Variants in USH2A observed in about 807,000 individuals in gnomAD.
USH2A encodes the protein Usher syndrome 2A (autosomal recessive, mild).
A neutral mutation model predicts 538.9 loss-of-function variants in USH2A; 443 were observed. The observed-to-expected ratio is 0.82, with a 90% confidence interval of 0.76 to 0.89. The LOEUF is 0.89. USH2A is among the 40% of genes least tolerant of loss of function. The pLI is 0.00. For missense variants in USH2A, 6,633 were observed against 6,324.8 expected, an observed-to-expected ratio of 1.05 and a Z score of -1.65; for synonymous variants, 2,413 against 2,273.5, an observed-to-expected ratio of 1.06 and a Z score of -1.75.
intron 38 of USH2A, among the ~76,000 whole-genome samples, chr1:215,907,273 G>C (rs1934423): frequency 6.6e-6 from 1 of 151,654 alleles, no homozygotes; most frequent in African/African-American, 2.4e-5. Flanking sequence ...GGTTGGTCAT[G>C]CTAACAACAC....
At chr1:216,235,190 T>C (rs2035783380) in intron 13 of USH2A, among the ~76,000 whole-genome samples, 1 of 152,154 alleles carries the variant, frequency 6.6e-6, no homozygotes, top group South Asian at 2.1e-4. Flanking sequence ...AAACATCAAC[T>C]CCTGAATGTG....
rs540206250 is a variant in USH2A, at chr1:216,289,551, G to T, written c.1841-141C>A. On this transcript the variant is annotated intron_variant, in intron 10 of 71. Coordinates refer to ENST00000307340, the MANE Select transcript of USH2A (RefSeq NM_206933.4). Reference sequence around the variant, plus strand: ...TTTAATGCACCTTTCATCTCTACCTGCCAATTTAGTGATCCAGAGCATATG... The same window carrying T: ...TTTAATGCACCTTTCATCTCTACCTTCCAATTTAGTGATCCAGAGCATATG... The T allele has an allele frequency of 5.5e-6, 6 of 1,097,210 alleles. No individual in the cohort carries two copies. In the South Asian group the frequency reaches 6.6e-5, roughly 12 times the overall value. The allele number at this position is 1,097,210 out of a possible 1,614,324, so 68.0% of individuals were successfully genotyped here.
intron 30 of USH2A, among the ~76,000 whole-genome samples, chr1:216,064,533 T>C (rs577170306): frequency 2.0e-4 from 31 of 151,740 alleles, no homozygotes; most frequent in Admixed American, 3.9e-4. Context: ...ATCAAACTTA[T>C]AAGAAAACAA....
chr1:216,001,669 T>G (rs1237390579), intron 32 of USH2A, among the ~76,000 whole-genome samples: 1 of 152,118 alleles, frequency 6.6e-6, no homozygotes, highest in Admixed American at 6.5e-5. Context: ...TAAATCTCAT[T>G]AACCATGAGC....
chr1:215,881,516 T>A (rs1165222981), intron 41 of USH2A, among the ~76,000 whole-genome samples: 1 of 152,238 alleles, frequency 6.6e-6, no homozygotes, highest in Non-Finnish European at 1.5e-5. Context: ...CCACATTTAT[T>A]ATTGTATATG....
chr1:216,256,941 C>T (rs1354014517), intron 11 of USH2A, among the ~76,000 whole-genome samples: 1 of 151,928 alleles, frequency 6.6e-6, no homozygotes, highest in Non-Finnish European at 1.5e-5. Context: ...GTTCAAGGGT[C>T]AAGGGTACTT....
chr1:216,078,681 T>C (rs1247766454), intron 26 of USH2A, among the ~76,000 whole-genome samples: 1 of 152,126 alleles, frequency 6.6e-6, no homozygotes, highest in African/African-American at 2.4e-5. Flanking sequence ...CCTGCATAAG[T>C]GACTGAATGA....
chr1:215,684,595 C>T (rs1658347196), intron 61 of USH2A, among the ~76,000 whole-genome samples: 2 of 152,146 alleles, frequency 1.3e-5, no homozygotes, highest in South Asian at 2.1e-4. Flanking sequence ...TTTTACCCTG[C>T]TCCCAGTAAT....
intron 43 of USH2A, among the ~76,000 whole-genome samples, chr1:215,870,457 G>C (rs1228100735): frequency 8.4e-6 from 1 of 118,680 alleles, no homozygotes; most frequent in South Asian, 2.8e-4. Context: ...ACCACTCCTA[G>C]CTTTTTTTTT....
intron 32 of USH2A, among the ~76,000 whole-genome samples, chr1:216,038,683 T>C (rs991249274): frequency 6.6e-6 from 1 of 152,138 alleles, no homozygotes; most frequent in South Asian, 2.1e-4. Flanking sequence ...TTTGTAAATA[T>C]CCATCAAGCT....
rs2039712665 is a variant in USH2A, at chr1:216,423,424, T to C, written c.-415A>G. The C allele has an allele frequency of 6.6e-6, 1 of 152,196 alleles. No homozygotes were observed. Among genetic ancestry groups the C allele is most frequent in the African/African-American group, 2.4e-5 (1 of 41,450 alleles). 9.4% of individuals were successfully genotyped at this position (152,196 alleles called of 1,614,324 possible). On this transcript the variant is annotated 5_prime_UTR_variant, in exon 1 of 72. Coordinates refer to ENST00000307340, the MANE Select transcript of USH2A (RefSeq NM_206933.4). ...TGGTTACCTGAAGCTCAGAGCGTGG[T>C]CTGCTTGGTGGCCCTCTTGGAACTG...
intron 9 of USH2A, among the ~76,000 whole-genome samples, chr1:216,309,240 A>C (rs968757055): frequency 6.6e-6 from 1 of 152,296 alleles, no homozygotes; most frequent in South Asian, 2.1e-4. Context: ...CTTTACTTAA[A>C]ATTTTGATTT....
At chr1:215,779,721 C>T (rs1403691652) in intron 55 of USH2A, 122 bp downstream of exon 55, 8 of 1,214,520 alleles carry the variant, frequency 6.6e-6, no homozygotes, top group African/African-American at 1.5e-5. Flanking sequence ...GACCATATGT[C>T]AAGAGAACAC....
At chr1:215,794,659 T>G (rs1448146311) in intron 50 of USH2A, among the ~76,000 whole-genome samples, 1 of 152,218 alleles carries the variant, frequency 6.6e-6, no homozygotes, top group Non-Finnish European at 1.5e-5. Flanking sequence ...CTATTATTCC[T>G]TAAGTCCACT....
rs940411523 is a variant in USH2A at position 215,634,522 on chromosome 1, G to A, written c.15234C>T (p.Pro5078=). ...HKEPYIRERP[P]LVPLQKRMSP... is the part of the protein sequence containing the mutation. ...ACATCCTCTTCTGAAGAGGTACCAA[G>A]GGAGGTCTTTCTCTGATATATGGCT... is the stretch of plus-strand genomic sequence containing the variant. Residue 5078 remains proline (P), a synonymous_variant, in exon 70 of 72, where the codon CCC becomes CCT. Coordinates refer to ENST00000307340, the MANE Select transcript of USH2A (RefSeq NM_206933.4). The A allele has an allele frequency of 4.3e-6, 7 of 1,614,172 alleles. No homozygotes were observed. The African/African-American group carries it at 6.7e-5, about 15-fold the overall frequency.
intron 13 of USH2A, among the ~76,000 whole-genome samples, chr1:216,245,387 T>C (rs2036016714): frequency 6.6e-6 from 1 of 151,426 alleles, no homozygotes; most frequent in Non-Finnish European, 1.5e-5. Context: ...CTGTTGTGGC[T>C]GGTGGTAGAA....
At chr1:216,143,767 T>C (rs2033643586) in intron 21 of USH2A, among the ~76,000 whole-genome samples, 1 of 152,186 alleles carries the variant, frequency 6.6e-6, no homozygotes, top group Admixed American at 6.5e-5. Context: ...CTGTATGTAA[T>C]GTGATAGATG....
At chr1:216,026,104 T>G (rs1668958768) in intron 32 of USH2A, among the ~76,000 whole-genome samples, 1 of 152,108 alleles carries the variant, frequency 6.6e-6, no homozygotes, top group Non-Finnish European at 1.5e-5. Context: ...TTTCTCCTGT[T>G]CTAGGTTTGA....
chr1:216,255,287 C>T (rs1392551781), intron 11 of USH2A, among the ~76,000 whole-genome samples: 2 of 152,166 alleles, frequency 1.3e-5, no homozygotes, highest in Non-Finnish European at 2.9e-5. Flanking sequence ...TGGCTTGGGT[C>T]TTCCCTTCTT....
Sources: gnomAD v4.1 joint callset for allele counts (sites outside exome capture counted in the v4.1 genomes callset) on GRCh38, gnomAD v4.1.1 for gene constraint, MANE v1.5 for transcripts, NCBI Gene and HGNC (gene_info 2026-07-23, HGNC 2026-07-21) for gene names.